The following EZH2 variants were observed in gnomAD, a reference collection of about 807,000 sequenced individuals.
EZH2 encodes histone-lysine N-methyltransferase EZH2.
A neutral mutation model predicts 98.4 loss-of-function variants in EZH2; 18 were observed. The ratio of observed to expected loss-of-function variants is 0.18; its 90% CI spans 0.13 to 0.27. The LOEUF (loss-of-function observed/expected upper bound fraction) is 0.27. Ranked by LOEUF, EZH2 falls within the 10% of genes least tolerant of loss-of-function variation. The probability of loss-of-function intolerance (pLI) is 1.00; values close to 1 mark genes in which losing one functional copy is unlikely to be tolerated. For synonymous variants in EZH2, 338 were observed against 312.3 expected (o/e 1.08, Z -0.87); for missense variants, 470 against 935.1 (o/e 0.50, Z 6.49).
chr7:148,811,560 C>T, intron 16 of EZH2, 65 bp downstream of exon 16: 1 of 1,294,634 alleles, frequency 7.7e-7, no homozygotes, highest in Non-Finnish European at 1.1e-6. Flanking sequence ...CTAATAAAAT[C>T]AATCTAAAAT....
intron 14 of EZH2, 41 bp from the exon 15 acceptor site, chr7:148,814,178 T>G: frequency 1.9e-6 from 3 of 1,587,212 alleles, no homozygotes; most frequent in Non-Finnish European, 2.6e-6. Context: ...CATCACCGTA[T>G]GCAAAAACTT....
At chr7:148,871,506 A>G (rs1042564752) in intron 1 of EZH2, among the ~76,000 whole-genome samples, 11 of 151,100 alleles carry the variant, frequency 7.3e-5, no homozygotes, top group African/African-American at 2.4e-4. Context: ...AATCTGACCT[A>G]TGGAACCTGC....
chr7:148,818,302 G>C (rs1805124106), intron 9 of EZH2, among the ~76,000 whole-genome samples, 185 bp from the exon 10 acceptor site: 1 of 152,118 alleles, frequency 6.6e-6, no homozygotes, highest in South Asian at 2.1e-4. Context: ...GAAAATTTCA[G>C]AAAGAGAAAT....
intron 1 of EZH2, among the ~76,000 whole-genome samples, chr7:148,856,394 A>T (rs944696738): frequency 2.0e-4 from 30 of 152,256 alleles, no homozygotes; most frequent in African/African-American, 6.5e-4. Context: ...CGTGTATTTT[A>T]AAATATATGC....
At chr7:148,811,210 T>C (rs1380921384) in intron 16 of EZH2, among the ~76,000 whole-genome samples, 1 of 152,180 alleles carries the variant, frequency 6.6e-6, no homozygotes. Context: ...GGCACAAACA[T>C]GGCTCACTGC....
At chr7:148,847,854 T>C (rs1814567212) in intron 1 of EZH2, among the ~76,000 whole-genome samples, 1 of 152,246 alleles carries the variant, frequency 6.6e-6, no homozygotes, top group African/African-American at 2.4e-5. Flanking sequence ...AACACTGTGA[T>C]AAAGTCTGTA....
At chr7:148,808,088 TGACCATAGCAAAGAG>T (rs1282091033) in intron 19 of EZH2, among the ~76,000 whole-genome samples, 4 of 152,144 alleles carry the variant, frequency 2.6e-5, no homozygotes, top group African/African-American at 9.7e-5. Flanking sequence ...GAAAAAATGA[TGACCATAGCAAAGAG>T]GGCCAAAGAG....
intron 1 of EZH2, among the ~76,000 whole-genome samples, chr7:148,853,585 C>T (rs1384405325): frequency 6.6e-6 from 1 of 152,208 alleles, no homozygotes; most frequent in Admixed American, 6.5e-5. Flanking sequence ...AGACGGGTAC[C>T]AGTCCACGGC....
chr7:148,814,171 C>T (rs201635378), intron 14 of EZH2, 34 bp from the exon 15 acceptor site: 1 of 1,598,768 alleles, frequency 6.3e-7, no homozygotes, highest in Non-Finnish European at 8.5e-7. Context: ...CTTCACTCAT[C>T]ACCGTATGCA....
chr7:148,841,149 G>T (rs535550283), intron 3 of EZH2, among the ~76,000 whole-genome samples: 9 of 151,120 alleles, frequency 6.0e-5, no homozygotes, highest in African/African-American at 1.7e-4. Flanking sequence ...TTTAATATAT[G>T]ATGCTATATG....
At chr7:148,814,158 G>A (rs1414585226) in intron 14 of EZH2, 21 bp from the exon 15 acceptor site, 2 of 1,608,966 alleles carry the variant, frequency 1.2e-6, no homozygotes, top group African/African-American at 1.3e-5. Flanking sequence ...AGGTTTGGAG[G>A]TTCTTCACTC....
At position 148,807,490 on chromosome 7, in the gene EZH2, A is replaced by AGTT; in HGVS notation, c.*153_*155dup. ...TGCAGCTGGTGAGAAGGCAATAAAA[A>AGTT]GTTGATTTTTAAACTCATTACTATA... is the stretch of plus-strand genomic sequence containing the variant. On this transcript the variant is annotated 3_prime_UTR_variant, in exon 20 of 20. Transcript: ENST00000320356. 1.5e-6 allele frequency: 1 copy of AGTT among 646,434 alleles called. No homozygotes were observed. The highest frequency in any genetic ancestry group is 2.8e-5 in the East Asian group (1 of 36,192). 40.0% of individuals were successfully genotyped at this position (646,434 alleles called of 1,614,324 possible). A position where few individuals can be genotyped will look rare whatever the true frequency, so the allele number is the denominator to read the frequency against.
chr7:148,878,177 T>C (rs559089754), intron 1 of EZH2, among the ~76,000 whole-genome samples: 20 of 152,344 alleles, frequency 1.3e-4, no homozygotes, highest in Non-Finnish European at 2.4e-4. Flanking sequence ...ATTAAATATA[T>C]TCAAAATATT....
At chr7:148,834,368 C>T (rs1200537809) in intron 3 of EZH2, among the ~76,000 whole-genome samples, 1,641 of 149,050 alleles carry the variant, frequency 0.011, 36 homozygotes, top group African/African-American at 0.04. Flanking sequence ...CACACACACA[C>T]ACACACACAC....
chr7:148,838,554 A>G (rs1426956119), intron 3 of EZH2, among the ~76,000 whole-genome samples: 3 of 152,234 alleles, frequency 2.0e-5, no homozygotes, highest in Non-Finnish European at 2.9e-5. Flanking sequence ...CATCCACCAC[A>G]TGTAAATTCA....
intron 8 of EZH2, among the ~76,000 whole-genome samples, chr7:148,821,650 C>A (rs983628924): frequency 1.3e-5 from 2 of 152,050 alleles, no homozygotes; most frequent in East Asian, 3.9e-4. Context: ...CATAGTGAGA[C>A]CCTATCTCAA....
chr7:148,810,226 CCTT>C (rs758552916), intron 17 of EZH2, 104 bp downstream of exon 17: 46 of 738,148 alleles, frequency 6.2e-5, no homozygotes, highest in Non-Finnish European at 1.1e-4. Flanking sequence ...AGGAGATCCT[CCTT>C]CTGGTCACCT....
rs1248823368 is a variant in EZH2, at chr7:148,807,618, C to T, written c.*28G>A. On this transcript the variant is annotated 3_prime_UTR_variant, in exon 20 of 20. Transcript: ENST00000320356. Reference sequence around the variant, plus strand: ...GTTCCTGAAGCTAAGGCAGCTGTTTCAGAGGAGGGGGGAGGAGGTAGCAGA... The same window carrying T: ...GTTCCTGAAGCTAAGGCAGCTGTTTTAGAGGAGGGGGGAGGAGGTAGCAGA... 6.7e-7 allele frequency: 1 copy of T among 1,487,542 alleles called. No individual in the cohort carries two copies. Among genetic ancestry groups the T allele is most frequent in the Admixed American group, 2.1e-5 (1 of 46,740 alleles). 92.1% of individuals were successfully genotyped at this position (1,487,542 alleles called of 1,614,324 possible).
chr7:148,873,121 T>G (rs1819650597), intron 1 of EZH2, among the ~76,000 whole-genome samples: 1 of 151,964 alleles, frequency 6.6e-6, no homozygotes, highest in Non-Finnish European at 1.5e-5. Flanking sequence ...AGTCTGAGGA[T>G]GTAGTGAGCT....
Sources: allele counts gnomAD v4.1 joint callset (sites outside exome capture counted in the v4.1 genomes callset), GRCh38; gene constraint gnomAD v4.1.1; transcripts MANE v1.5; gene names NCBI Gene and HGNC (gene_info 2026-07-23, HGNC 2026-07-21).